Variants in VWA8 observed in about 807,000 individuals in gnomAD.
VWA8 encodes von Willebrand factor A domain-containing protein 8.
A neutral mutation model predicts 241.5 loss-of-function variants in VWA8; 221 were observed. The ratio of observed to expected loss-of-function variants is 0.91; its 90% CI spans 0.82 to 1.02. The LOEUF (loss-of-function observed/expected upper bound fraction) is 1.02. Among genes scored for constraint, VWA8 ranks in the 50% least tolerant of loss-of-function variants. The probability of loss-of-function intolerance (pLI) is 0.00; values close to 1 mark genes in which losing one functional copy is unlikely to be tolerated. For missense variants in VWA8, 2,322 were observed against 2,328.7 expected (o/e 1.00, Z 0.06); for synonymous variants, 852 against 827.1 (o/e 1.03, Z -0.52).
chr13:41,862,019 AG>A (rs1156666609), intron 12 of VWA8, among the ~76,000 whole-genome samples: 1 of 152,202 alleles, frequency 6.6e-6, no homozygotes, highest in Non-Finnish European at 1.5e-5. Flanking sequence ...ACAAAACCTG[AG>A]GCATCATGCT....
chr13:41,611,759 T>C (rs2044590665), intron 38 of VWA8, 27 bp from the exon 39 acceptor site: 3 of 1,612,816 alleles, frequency 1.9e-6, no homozygotes, highest in Non-Finnish European at 1.7e-6. Context: ...GAAATTCAGA[T>C]GATAAATCTG....
chr13:41,918,771 C>A (rs1269013621), intron 2 of VWA8, among the ~76,000 whole-genome samples: 2 of 151,874 alleles, frequency 1.3e-5, no homozygotes, highest in African/African-American at 2.4e-5. Flanking sequence ...TCTGTATATA[C>A]AAAATAGTAT....
In VWA8 at chr13:41,619,448, G is replaced by A. The variant is rs138443961; in HGVS notation, c.4612-4364C>T. Among the ~76,000 whole-genome samples the A allele has an allele frequency of 3.1e-3, 471 of 152,236 alleles. 21 individuals are homozygous for A. In the East Asian group the frequency reaches 0.086, roughly 28 times the overall value. On this transcript the variant is annotated intron_variant, in intron 37 of 44. Coordinates refer to ENST00000379310, the MANE Select transcript of VWA8 (RefSeq NM_015058.2). ...AATTTGACTTCCTCTTTTCCTGATT[G>A]AATACCCTTTATTTCCTTCTCTTGT...
At position 41,886,780 on chromosome 13, in the gene VWA8, CT is replaced by C. The variant is rs1371040026; in HGVS notation, c.866del (p.Val290PhefsTer26). ...CCAGACATTTATAAAAATATACTTA[CT>C]TCTCAGCAGAAACATTGGCTCCAAT... ...YSIGANVSAE[K>X]VSQLLSFATT... is the part of the protein sequence containing the mutation. On this transcript the variant is annotated frameshift_variant and splice_region_variant, in exon 7 of 45. Transcript: ENST00000379310. LOFTEE classifies it high-confidence loss of function. 5.0e-6 allele frequency: 8 copies of C among 1,593,768 alleles called. No homozygotes were observed. In the South Asian group the frequency reaches 9.2e-5, roughly 18 times the overall value.
rs866670657 is a variant in VWA8, at chr13:41,617,357, G to A, written c.4612-2273C>T. Reference sequence around the variant, plus strand: ...TGGTCTTGAACTCCTGACCTCAAGTGATCCACCCGCCTTGGCCTCCCAAAG... The same window carrying A: ...TGGTCTTGAACTCCTGACCTCAAGTAATCCACCCGCCTTGGCCTCCCAAAG... On this transcript the variant is annotated intron_variant, in intron 37 of 44. Coordinates refer to ENST00000379310, the MANE Select transcript of VWA8 (RefSeq NM_015058.2). 8.5e-5 allele frequency among the ~76,000 whole-genome samples: 13 copies of A among 152,150 alleles called. No individual in the cohort carries two copies. In the South Asian group the frequency reaches 1.0e-3, roughly 12 times the overall value.
intron 35 of VWA8, among the ~76,000 whole-genome samples, chr13:41,682,308 G>C (rs1378192591): frequency 6.6e-6 from 1 of 152,080 alleles, no homozygotes; most frequent in Non-Finnish European, 1.5e-5. Context: ...GCTGGTGCTG[G>C]AACAATTGAA....
intron 26 of VWA8, among the ~76,000 whole-genome samples, chr13:41,710,370 G>C (rs2045308621): frequency 6.6e-6 from 1 of 152,168 alleles, no homozygotes; most frequent in Admixed American, 6.5e-5. Context: ...GCTACTGCAT[G>C]CATGAGAGAA....
intron 43 of VWA8, among the ~76,000 whole-genome samples, 186 bp downstream of exon 43, chr13:41,575,554 T>G (rs2044345434): frequency 9.4e-6 from 1 of 106,192 alleles, no homozygotes; most frequent in South Asian, 3.6e-4. Flanking sequence ...GGGGACAAAT[T>G]TTAAATTTTA....
intron 14 of VWA8, among the ~76,000 whole-genome samples, chr13:41,820,123 C>T (rs1001691790): frequency 6.6e-6 from 1 of 152,058 alleles, no homozygotes; most frequent in African/African-American, 2.4e-5. Flanking sequence ...AACCTAGAAA[C>T]CCTGTATCAG....
intron 4 of VWA8, 44 bp from the exon 5 acceptor site, chr13:41,891,631 G>T (rs1162325532): frequency 1.2e-6 from 2 of 1,602,190 alleles, no homozygotes; most frequent in Admixed American, 1.7e-5. Flanking sequence ...TACTGAAGTT[G>T]CAGAGCTTGG....
chr13:41,595,916 G>A (rs995171661), intron 40 of VWA8, among the ~76,000 whole-genome samples: 4 of 152,014 alleles, frequency 2.6e-5, no homozygotes, highest in African/African-American at 9.7e-5. Context: ...TTTCCAAAGT[G>A]GTTTTCCCAA....
At chr13:41,625,363 A>G (rs1425309939) in intron 37 of VWA8, among the ~76,000 whole-genome samples, 4 of 152,146 alleles carry the variant, frequency 2.6e-5, no homozygotes, top group Non-Finnish European at 5.9e-5. Context: ...AGAATCTACA[A>G]TGAACTCAAA....
chr13:41,822,087 T>C (rs1392322415), intron 14 of VWA8, among the ~76,000 whole-genome samples: 1 of 152,142 alleles, frequency 6.6e-6, no homozygotes, highest in Non-Finnish European at 1.5e-5. Context: ...TTGATATTGG[T>C]GATGGTTTCA....
At chr13:41,774,952 C>T (rs1868521657) in intron 20 of VWA8, among the ~76,000 whole-genome samples, 1 of 152,160 alleles carries the variant, frequency 6.6e-6, no homozygotes, top group Admixed American at 6.5e-5. Context: ...CACATTGCCA[C>T]TCTGAGGTTA....
intron 2 of VWA8, among the ~76,000 whole-genome samples, chr13:41,946,125 G>GAA (rs546573149): frequency 1.5e-5 from 2 of 136,718 alleles, no homozygotes; most frequent in East Asian, 2.1e-4. Context: ...TCAAAGTGCT[G>GAA]AAAAAAAAAA....
At position 41,674,226 on chromosome 13, in the gene VWA8, C is replaced by T. The variant is rs140723261; in HGVS notation, c.4409+989G>A. The stretch of plus-strand genomic sequence containing the variant: ...AAGCTGTGTTTCTGAGTTATTTGTG[C>T]TATCATGCCGAGCTATCTTCTTCTA... On this transcript the variant is annotated intron_variant, in intron 36 of 44. Transcript: ENST00000379310. Among the ~76,000 whole-genome samples the T allele has an allele frequency of 9.7e-4, 147 of 152,174 alleles. 4 individuals carry two copies. Among genetic ancestry groups the T allele is most frequent in the African/African-American group, 3.3e-3 (135 of 41,504 alleles).
chr13:41,707,081 A>G (rs1455031737), intron 26 of VWA8, among the ~76,000 whole-genome samples: 1 of 152,272 alleles, frequency 6.6e-6, no homozygotes, highest in African/African-American at 2.4e-5. Context: ...GGTGAGTATC[A>G]TAATTATGAC....
chr13:41,794,619 C>T (rs1371179465), intron 17 of VWA8, among the ~76,000 whole-genome samples: 1 of 152,160 alleles, frequency 6.6e-6, no homozygotes. Context: ...TTTGGATGTG[C>T]TTTATTTCTT....
chr13:41,892,661 A>G (rs1430638907), intron 4 of VWA8, among the ~76,000 whole-genome samples: 1 of 152,150 alleles, frequency 6.6e-6, no homozygotes, highest in Non-Finnish European at 1.5e-5. Context: ...AGTACCTCAT[A>G]TGGGGTCCCT....
Sources: allele counts gnomAD v4.1 joint callset (sites outside exome capture counted in the v4.1 genomes callset), GRCh38; gene constraint gnomAD v4.1.1; transcripts MANE v1.5; gene names NCBI Gene and HGNC (gene_info 2026-07-23, HGNC 2026-07-21).